The following FNDC3B variants were observed in gnomAD, a reference collection of about 807,000 sequenced individuals.
FNDC3B encodes the protein fibronectin type III domain containing 3B.
FNDC3B carries 12 observed loss-of-function variants against 151.5 expected under a neutral mutation model. The observed-to-expected ratio is 0.08, with a 90% CI of 0.05 to 0.13. The LOEUF is 0.13. Ranked by LOEUF, FNDC3B falls within the 10% of genes least tolerant of loss-of-function variation. The pLI is 1.00. For synonymous variants in FNDC3B, 528 were observed against 549.0 expected (o/e 0.96, Z 0.54); for missense variants, 1,214 against 1,505.3 (o/e 0.81, Z 3.20).
chr3:172,094,629 T>C (rs1245087932), intron 1 of FNDC3B, among the ~76,000 whole-genome samples: 1 of 152,140 alleles, frequency 6.6e-6, no homozygotes, highest in Non-Finnish European at 1.5e-5. Context: ...TGAATATCTG[T>C]GAGGAATCTG....
chr3:172,370,928 A>T (rs1734850929), intron 23 of FNDC3B, among the ~76,000 whole-genome samples: 1 of 152,208 alleles, frequency 6.6e-6, no homozygotes, highest in Admixed American at 6.5e-5. Flanking sequence ...CATTTGTTAC[A>T]GCTGATGAAC....
chr3:172,366,008 A>G (rs1268631511), intron 23 of FNDC3B, among the ~76,000 whole-genome samples: 1 of 152,200 alleles, frequency 6.6e-6, no homozygotes. Context: ...GTATTTGTGA[A>G]TTAAATCCTT....
At chr3:172,127,758 C>T (rs891758786) in intron 2 of FNDC3B, among the ~76,000 whole-genome samples, 4 of 152,158 alleles carry the variant, frequency 2.6e-5, no homozygotes, top group South Asian at 2.1e-4. Context: ...TGCTGCCTCC[C>T]GAGTTCAAGC....
At chr3:172,102,082 T>C (rs1404500251) in intron 1 of FNDC3B, among the ~76,000 whole-genome samples, 1 of 152,188 alleles carries the variant, frequency 6.6e-6, no homozygotes, top group Non-Finnish European at 1.5e-5. Flanking sequence ...CACTAACCTA[T>C]ATATAAATTT....
chr3:172,173,148 C>G (rs1252840550), intron 3 of FNDC3B, among the ~76,000 whole-genome samples: 1 of 152,002 alleles, frequency 6.6e-6, no homozygotes, highest in Non-Finnish European at 1.5e-5. Flanking sequence ...AGAGATAAAG[C>G]GAAACGATGG....
intron 4 of FNDC3B, among the ~76,000 whole-genome samples, chr3:172,227,758 CCA>C (rs1429174421): frequency 6.6e-6 from 1 of 152,112 alleles, no homozygotes; most frequent in Non-Finnish European, 1.5e-5. Flanking sequence ...ATTTTACTAT[CCA>C]GAGATGATAA....
At chr3:172,359,020 A>ATGGTGGCGG (rs1734241244) in intron 22 of FNDC3B, among the ~76,000 whole-genome samples, 1 of 93,510 alleles carries the variant, frequency 1.1e-5, no homozygotes, top group Admixed American at 1.0e-4. Context: ...GGTGGTGGTG[A>ATGGTGGCGG]TGGTGGCGGT....
chr3:172,281,046 T>A (rs1449107952), intron 6 of FNDC3B, among the ~76,000 whole-genome samples: 1 of 144,454 alleles, frequency 6.9e-6, no homozygotes. Flanking sequence ...TTTCCCTTTT[T>A]TAGCATTTCC....
chr3:172,188,353 C>G (rs1010372058), intron 3 of FNDC3B, among the ~76,000 whole-genome samples: 38 of 151,870 alleles, frequency 2.5e-4, no homozygotes, highest in African/African-American at 9.2e-4. Flanking sequence ...AGTGGTGGAA[C>G]TGAAGTTTCC....
chr3:172,347,267 A>G lies in FNDC3B; in HGVS notation c.2420A>G (p.Asp807Gly), dbSNP rs148771621. Reference sequence around the variant, plus strand: ...GAGTACAGGTTGGAATGGGGAGAAGATGAAGAATCCTTAGAACTCATTTAT... The same window carrying G: ...GAGTACAGGTTGGAATGGGGAGAAGGTGAAGAATCCTTAGAACTCATTTAT... ...ISEYRLEWGE[D>G]EESLELIYHG... Residue 807 changes from aspartate (D) to glycine (G), a missense_variant, in exon 21 of 26, where the codon GAT becomes GGT. By Grantham distance (94) the Asp-to-Gly change is moderately conservative. Transcript: ENST00000415807. 1.9e-6 allele frequency: 3 copies of G among 1,613,980 alleles called. No individual in the cohort carries two copies. Among genetic ancestry groups the G allele is most frequent in the African/African-American group, 2.7e-5 (2 of 74,918 alleles).
chr3:172,113,090 T>A (rs1432083629), intron 2 of FNDC3B, among the ~76,000 whole-genome samples: 1 of 152,186 alleles, frequency 6.6e-6, no homozygotes, highest in African/African-American at 2.4e-5. Flanking sequence ...CACTGAACAT[T>A]GTGGAATAGA....
At chr3:172,218,322 T>C (rs1337499715) in intron 3 of FNDC3B, among the ~76,000 whole-genome samples, 2 of 152,058 alleles carry the variant, frequency 1.3e-5, no homozygotes, top group Non-Finnish European at 2.9e-5. Flanking sequence ...CAGCCACCCT[T>C]ACCTTGTTAT....
intron 22 of FNDC3B, among the ~76,000 whole-genome samples, chr3:172,357,990 A>G (rs1328561891): frequency 7.9e-5 from 12 of 152,222 alleles, no homozygotes; most frequent in Admixed American, 7.9e-4. Flanking sequence ...GTCAATGTTG[A>G]ACTGAAAGTG....
chr3:172,315,173 T>A (rs1731716502), intron 11 of FNDC3B, among the ~76,000 whole-genome samples: 1 of 152,178 alleles, frequency 6.6e-6, no homozygotes, highest in African/African-American at 2.4e-5. Flanking sequence ...GCTCAGGAGT[T>A]CGAGACCAGC....
chr3:172,287,703 A>G (rs1358521432), intron 7 of FNDC3B, among the ~76,000 whole-genome samples: 1 of 152,168 alleles, frequency 6.6e-6, no homozygotes, highest in East Asian at 1.9e-4. Context: ...ATTCCTAGTC[A>G]CTGCTCTGCT....
At chr3:172,236,089 A>T (rs1380184340) in intron 4 of FNDC3B, among the ~76,000 whole-genome samples, 1 of 152,236 alleles carries the variant, frequency 6.6e-6, no homozygotes, top group Non-Finnish European at 1.5e-5. Context: ...CCCCTAAAAT[A>T]GCATTTCTGT....
Position 172,310,828 on chromosome 3 carries a change from G to T in FNDC3B, c.1201G>T (p.Ala401Ser). 6.2e-7 allele frequency: 1 copy of T among 1,609,082 alleles called. No individual in the cohort carries two copies. Among genetic ancestry groups the T allele is most frequent in the Middle Eastern group, 1.7e-4 (1 of 6,054 alleles). Residue 401 changes from alanine to serine, a missense_variant and splice_region_variant, in exon 11 of 26, where the codon GCA (alanine) becomes TCA (serine). Physicochemically the swap from Ala to Ser is moderately conservative, Grantham distance 99 (BLOSUM62 1). Transcript: ENST00000415807. ...AATCTCATGTTACTATTTTTTTTAG[G>T]CACCAATTGACAACGGTTCAAAAAT... ...SKSSLTLQWK[A>S]PIDNGSKITN...
At chr3:172,087,342 C>G (rs1718596357) in intron 1 of FNDC3B, among the ~76,000 whole-genome samples, 1 of 152,054 alleles carries the variant, frequency 6.6e-6, no homozygotes, top group African/African-American at 2.4e-5. Flanking sequence ...GTGAGCCGTA[C>G]TACTTGCCAG....
chr3:172,149,409 G>A (rs572032493), intron 3 of FNDC3B, among the ~76,000 whole-genome samples: 1 of 152,098 alleles, frequency 6.6e-6, no homozygotes, highest in African/African-American at 2.4e-5. Context: ...TTGATCAGGG[G>A]TTCAGTTTTC....
Sources: gnomAD v4.1 joint callset for allele counts (sites outside exome capture counted in the v4.1 genomes callset) on GRCh38, gnomAD v4.1.1 for gene constraint, MANE v1.5 for transcripts, NCBI Gene and HGNC (gene_info 2026-07-23, HGNC 2026-07-21) for gene names.